Variants in OSMR observed in about 807,000 individuals in gnomAD.
OSMR encodes the protein oncostatin-M-specific receptor subunit beta.
In OSMR, 81 loss-of-function variants were observed where a neutral mutation model predicts 99.9. That is an observed-to-expected ratio of 0.81 (90% CI 0.68 to 0.97). The LOEUF (loss-of-function observed/expected upper bound fraction) is 0.97. Among genes scored for constraint, OSMR ranks in the 50% least tolerant of loss-of-function variants. The probability of loss-of-function intolerance (pLI) is 0.00; values close to 1 mark genes in which losing one functional copy is unlikely to be tolerated. For synonymous variants in OSMR, 406 were observed against 410.4 expected (o/e 0.99, Z 0.13); for missense variants, 1,099 against 1,153.4 (o/e 0.95, Z 0.68).
At chr5:38,862,285 G>C (rs1741472503) in intron 1 of OSMR, among the ~76,000 whole-genome samples, 1 of 99,054 alleles carries the variant, frequency 1.0e-5, no homozygotes, top group Non-Finnish European at 2.0e-5. Flanking sequence ...GGCTGGCTGG[G>C]CGGGGGGCTG....
At position 38,862,927 on chromosome 5, in the gene OSMR, C is replaced by T. The variant is rs373353090; in HGVS notation, c.-13-6105C>T. On this transcript the variant is annotated intron_variant, in intron 1 of 17. Coordinates refer to ENST00000274276, the MANE Select transcript of OSMR (RefSeq NM_003999.3). ...CTGCAATCCCAGCACCTCGGGAGGCCGAGGCTGGCGGATCAGTCGCGGTTA... is the reference window on the plus strand; with the variant it reads ...CTGCAATCCCAGCACCTCGGGAGGCTGAGGCTGGCGGATCAGTCGCGGTTA... 7.9e-5 allele frequency among the ~76,000 whole-genome samples: 12 copies of T among 152,058 alleles called. No individual in the cohort carries two copies. In the East Asian group the frequency reaches 1.4e-3, roughly 17 times the overall value.
chr5:38,924,568 C>T lies in OSMR; in HGVS notation c.2017C>T (p.Pro673Ser). 2 of 1,613,716 alleles carry T rather than the reference C, an allele frequency of 1.2e-6. No homozygotes were observed. Among genetic ancestry groups the T allele is most frequent in the Non-Finnish European group, 1.7e-6 (2 of 1,179,624 alleles). ...YLKSKARQCH[P>S]RFEKAVLSDG... ...GAAATCCAAGGCGAGGCAGTGCCAC[C>T]CACGATTTGAAAAGGCAGTTCTTTC... The change falls in exon 14 of 18, where the codon CCA becomes TCA. Residue 673 changes from proline to serine, a missense_variant. Physicochemically the swap from Pro to Ser is moderately conservative, Grantham distance 74. Transcript: ENST00000274276.
intron 1 of OSMR, chr5:38,944,057 T>C: frequency 2.9e-6 from 1 of 347,600 alleles, no homozygotes; most frequent in South Asian, 2.4e-5. Flanking sequence ...ATATTAGAAA[T>C]TAAAATTGAG....
chr5:38,903,827 T>C, intron 7 of OSMR, 55 bp from the exon 8 acceptor site: 1 of 1,576,248 alleles, frequency 6.3e-7, no homozygotes, highest in East Asian at 2.3e-5. Context: ...CTATTACCAA[T>C]GTCTTTTTGG....
chr5:38,942,625 A>G (rs956647773), intron 1 of OSMR, among the ~76,000 whole-genome samples: 1 of 151,536 alleles, frequency 6.6e-6, no homozygotes, highest in Non-Finnish European at 1.5e-5. Context: ...TAATTAAAAA[A>G]AAAAAAAAAC....
chr5:38,889,814 T>G (rs1744035211), intron 7 of OSMR, among the ~76,000 whole-genome samples: 1 of 152,250 alleles, frequency 6.6e-6, no homozygotes, highest in African/African-American at 2.4e-5. Flanking sequence ...GAATTTCCAC[T>G]GTAATTTTTA....
rs546035479 is a variant in OSMR, at chr5:38,893,508, A to G, written c.991+7318A>G. On this transcript the variant is annotated intron_variant, in intron 7 of 17. Transcript: ENST00000274276. ...AATCAATTAGAACTACTGGGACTGA[A>G]AAACTCACTTAAGGAATTTCAAAAT... is the stretch of plus-strand genomic sequence containing the variant. 2.0e-5 allele frequency among the ~76,000 whole-genome samples: 3 copies of G among 152,370 alleles called. No individual in the cohort carries two copies. The South Asian group carries it at 6.2e-4, about 32-fold the overall frequency.
rs1441372205 is a variant in OSMR, at chr5:38,935,482, G to A, written c.*2038G>A. 6.6e-6 allele frequency: 1 copy of A among 152,036 alleles called. No individual in the cohort carries two copies. The highest frequency in any genetic ancestry group is 1.9e-4 in the East Asian group (1 of 5,188). 9.4% of individuals were successfully genotyped at this position (152,036 alleles called of 1,614,324 possible). ...TTATTTATGTACCTTTGTTATGATG[G>A]GATATTTTTCATTTGAAACTTGTTC... is the stretch of plus-strand genomic sequence containing the variant. On this transcript the variant is annotated 3_prime_UTR_variant, in exon 18 of 18. Transcript: ENST00000274276.
At chr5:38,918,331 T>G (rs1746037390) in intron 10 of OSMR, among the ~76,000 whole-genome samples, 1 of 152,054 alleles carries the variant, frequency 6.6e-6, no homozygotes, top group Non-Finnish European at 1.5e-5. Flanking sequence ...GAAGTGGGCT[T>G]GGGACTGTGT....
In OSMR at chr5:38,933,975, T is replaced by A. The variant is rs992965090; in HGVS notation, c.*531T>A. On this transcript the variant is annotated 3_prime_UTR_variant, in exon 18 of 18. Coordinates refer to ENST00000274276, the MANE Select transcript of OSMR (RefSeq NM_003999.3). ...AGATTTTAGACTTACCTTGAACGGA[T>A]AAGAATCTATAGTTCACTGACACAG... 1 of 132,478 alleles carries A rather than the reference T, an allele frequency of 7.5e-6. No individual in the cohort carries two copies. The highest frequency in any genetic ancestry group is 1.5e-5 in the Non-Finnish European group (1 of 66,274). 8.2% of individuals were successfully genotyped at this position (132,478 alleles called of 1,614,324 possible).
intron 2 of OSMR, among the ~76,000 whole-genome samples, chr5:38,875,081 T>A (rs1742709346): frequency 6.6e-6 from 1 of 152,202 alleles, no homozygotes; most frequent in Admixed American, 6.5e-5. Flanking sequence ...GGGGTTCAAA[T>A]GACAAGGGGA....
chr5:38,875,836 T>G (rs1742776373), intron 2 of OSMR, among the ~76,000 whole-genome samples: 1 of 152,254 alleles, frequency 6.6e-6, no homozygotes, highest in African/African-American at 2.4e-5. Context: ...CTTTCATTTC[T>G]GATGTTCAGA....
intron 7 of OSMR, among the ~76,000 whole-genome samples, chr5:38,893,045 C>T (rs997756139): frequency 2.0e-5 from 3 of 152,208 alleles, no homozygotes; most frequent in Non-Finnish European, 4.4e-5. Context: ...GGGCACTCTA[C>T]TGTCCAGGGC....
chr5:38,851,586 G>T (rs1740357347), intron 1 of OSMR, among the ~76,000 whole-genome samples: 1 of 152,180 alleles, frequency 6.6e-6, no homozygotes, highest in Non-Finnish European at 1.5e-5. Flanking sequence ...GATCTGAAGG[G>T]GCAGTGTCTG....
chr5:38,864,438 T>A (rs974794066), intron 1 of OSMR, among the ~76,000 whole-genome samples: 19 of 152,158 alleles, frequency 1.2e-4, no homozygotes, highest in Non-Finnish European at 2.4e-4. Flanking sequence ...GTAGGGCTGG[T>A]GTAGAGGGGA....
intron 9 of OSMR, among the ~76,000 whole-genome samples, chr5:38,908,543 C>T (rs576762673): frequency 1.4e-4 from 22 of 152,324 alleles, no homozygotes; most frequent in Admixed American, 4.6e-4. Context: ...GAGATCAGTT[C>T]GGCCTCTCCA....
chr5:38,936,242 A>G (rs1304512520), downstream of OSMR, among the ~76,000 whole-genome samples: 2 of 151,954 alleles, frequency 1.3e-5, no homozygotes, highest in African/African-American at 2.4e-5. Flanking sequence ...TTCTCCTCAC[A>G]TTGTTTTGAA....
At chr5:38,887,869 T>G (rs1743892262) in intron 7 of OSMR, among the ~76,000 whole-genome samples, 1 of 152,094 alleles carries the variant, frequency 6.6e-6, no homozygotes, top group Admixed American at 6.5e-5. Flanking sequence ...TTTCATAAAG[T>G]TTTAAATTTT....
chr5:38,897,768 C>T (rs1744614404), intron 7 of OSMR, among the ~76,000 whole-genome samples: 2 of 152,032 alleles, frequency 1.3e-5, no homozygotes. Context: ...TATAAACTTC[C>T]TTCTTAGTAC....
Sources: allele counts gnomAD v4.1 joint callset (sites outside exome capture counted in the v4.1 genomes callset), GRCh38; gene constraint gnomAD v4.1.1; transcripts MANE v1.5; gene names NCBI Gene and HGNC (gene_info 2026-07-23, HGNC 2026-07-21).